Variants in PLXDC2 observed in about 807,000 individuals in gnomAD.
PLXDC2 encodes plexin domain containing 2.
PLXDC2 carries 40 observed loss-of-function variants against 68.9 expected under a neutral mutation model. The ratio of observed to expected loss-of-function variants is 0.58; its 90% confidence interval spans 0.45 to 0.76. The LOEUF (loss-of-function observed/expected upper bound fraction) is 0.76. PLXDC2 is among the 30% of genes least tolerant of loss of function. The probability of loss-of-function intolerance (pLI) is 0.00; values close to 1 mark genes in which losing one functional copy is unlikely to be tolerated. For missense variants in PLXDC2, 644 were observed against 661.9 expected (o/e 0.97, Z 0.30); for synonymous variants, 243 against 234.2 (o/e 1.04, Z -0.34).
rs569317504 is a variant in PLXDC2 at position 19,879,977 on chromosome 10, G to A, written c.112+62786G>A. On this transcript the variant is annotated intron_variant, in intron 1 of 13. Transcript: ENST00000377252. ...GTTGTTTTGACTCATGTGGATTGAC[G>A]TTATTTTGAAGTAGCAAAACCATTC... 3.3e-5 allele frequency among the ~76,000 whole-genome samples: 5 copies of A among 152,112 alleles called. No individual in the cohort carries two copies. In the East Asian group the frequency reaches 5.8e-4, roughly 18 times the overall value.
intron 1 of PLXDC2, among the ~76,000 whole-genome samples, chr10:19,873,798 G>C (rs1399378529): frequency 6.6e-6 from 1 of 152,200 alleles, no homozygotes; most frequent in Non-Finnish European, 1.5e-5. Flanking sequence ...CCACTGCAAA[G>C]TAAGATTAGG....
intron 2 of PLXDC2, among the ~76,000 whole-genome samples, chr10:20,040,454 C>T (rs1002635677): frequency 2.6e-5 from 4 of 152,098 alleles, no homozygotes; most frequent in South Asian, 4.1e-4. Flanking sequence ...TGCACTTGTA[C>T]GTGTTTCTAC....
intron 1 of PLXDC2, among the ~76,000 whole-genome samples, chr10:19,930,144 C>T (rs1284309021): frequency 1.3e-5 from 2 of 151,996 alleles, no homozygotes; most frequent in African/African-American, 4.8e-5. Flanking sequence ...ATGTCATTTA[C>T]ACAGCAGGCA....
At chr10:20,158,501 C>CAAAAAAAAAAAAA (rs59079629) in intron 6 of PLXDC2, among the ~76,000 whole-genome samples, 102 of 118,720 alleles carry the variant, frequency 8.6e-4, no homozygotes, top group African/African-American at 2.9e-3. Flanking sequence ...TCTGTCTCTG[C>CAAAAAAAAAAAAA]AAAAAAAAAA....
At chr10:19,835,090 G>C (rs1836765318) in intron 1 of PLXDC2, among the ~76,000 whole-genome samples, 1 of 152,166 alleles carries the variant, frequency 6.6e-6, no homozygotes, top group Admixed American at 6.5e-5. Flanking sequence ...AATCTTCAGG[G>C]AACTGCCCTT....
At chr10:20,077,152 T>C (rs146791859) in intron 4 of PLXDC2, among the ~76,000 whole-genome samples, 5 of 152,276 alleles carry the variant, frequency 3.3e-5, no homozygotes, top group African/African-American at 1.2e-4. Flanking sequence ...AGCAGCCAGG[T>C]AGCCTTTTAG....
At chr10:20,049,962 A>C (rs190919427) in intron 3 of PLXDC2, among the ~76,000 whole-genome samples, 15 of 152,296 alleles carry the variant, frequency 9.8e-5, no homozygotes, top group African/African-American at 3.6e-4. Context: ...TTCAAATTAT[A>C]CTGCAGGGCT....
chr10:19,876,732 C>G (rs1837639924), intron 1 of PLXDC2, among the ~76,000 whole-genome samples: 1 of 150,478 alleles, frequency 6.6e-6, no homozygotes, highest in Non-Finnish European at 1.5e-5. Context: ...CAGTGTTTTT[C>G]AATTTAATTT....
rs777714424 is a variant in PLXDC2 at position 20,001,892 on chromosome 10, C to T, written c.230C>T (p.Thr77Met). The T allele has an allele frequency of 1.4e-5, 23 of 1,613,840 alleles. No individual in the cohort carries two copies. The highest frequency in any genetic ancestry group is 3.4e-4 in the Middle Eastern group (2 of 5,910). The change falls in exon 2 of 14, where the codon ACG (threonine) becomes ATG (methionine). Residue 77 changes from threonine to methionine, a missense_variant. Physicochemically the swap from Thr to Met is moderately conservative, Grantham distance 81. Transcript: ENST00000377252. ...TTGGACTTTCTCAAGGCGGTAGACACGAACCGAGCAAGCGTCGGCCAAGAC... is the reference window on the plus strand; with the variant it reads ...TTGGACTTTCTCAAGGCGGTAGACATGAACCGAGCAAGCGTCGGCCAAGAC... Reference protein sequence around the residue: ...RNLDFLKAVDTNRASVGQDSP... With the variant: ...RNLDFLKAVDMNRASVGQDSP...
chr10:20,097,855 T>C (rs1833371348), intron 4 of PLXDC2, among the ~76,000 whole-genome samples: 1 of 150,508 alleles, frequency 6.6e-6, no homozygotes, highest in Admixed American at 6.6e-5. Context: ...ATTAGTCATC[T>C]AAAAGTGATT....
At chr10:19,891,453 G>T (rs1837962064) in intron 1 of PLXDC2, among the ~76,000 whole-genome samples, 1 of 151,864 alleles carries the variant, frequency 6.6e-6, no homozygotes, top group Admixed American at 6.6e-5. Flanking sequence ...ACATCTATTA[G>T]ATTGTGCTAT....
intron 4 of PLXDC2, among the ~76,000 whole-genome samples, chr10:20,092,905 A>G (rs183765326): frequency 6.6e-6 from 1 of 152,226 alleles, no homozygotes; most frequent in African/African-American, 2.4e-5. Flanking sequence ...GGCAGAAGAG[A>G]TAAAGAACAC....
chr10:20,052,722 CAAAAAAAA>C (rs59776582), intron 3 of PLXDC2, among the ~76,000 whole-genome samples: 4 of 92,846 alleles, frequency 4.3e-5, no homozygotes, highest in East Asian at 6.1e-4. Flanking sequence ...ACAAATTATG[CAAAAAAAA>C]AAAAAAAAAA....
chr10:19,927,318 C>T (rs17758689), intron 1 of PLXDC2, among the ~76,000 whole-genome samples: 9,890 of 152,118 alleles, frequency 0.065, 358 homozygotes, highest in Middle Eastern at 0.13. Context: ...CCGGAGGAAG[C>T]TGACATTTCA....
intron 1 of PLXDC2, among the ~76,000 whole-genome samples, chr10:19,936,750 C>T (rs1184690617): frequency 3.3e-5 from 5 of 152,122 alleles, no homozygotes; most frequent in Non-Finnish European, 7.3e-5. Flanking sequence ...TATGTGCCTC[C>T]CACCACGATC....
chr10:19,920,792 A>G (rs1833448472), intron 1 of PLXDC2, among the ~76,000 whole-genome samples: 1 of 152,180 alleles, frequency 6.6e-6, no homozygotes. Context: ...TCCTGGCCTC[A>G]AGCAACCTGC....
chr10:19,967,966 G>A (rs1242293896), intron 1 of PLXDC2, among the ~76,000 whole-genome samples: 1 of 152,206 alleles, frequency 6.6e-6, no homozygotes, highest in Admixed American at 6.5e-5. Flanking sequence ...CAAATATTAT[G>A]TGCATTAGCT....
chr10:19,872,579 G>A (rs935476360), intron 1 of PLXDC2, among the ~76,000 whole-genome samples: 3 of 152,178 alleles, frequency 2.0e-5, no homozygotes. Flanking sequence ...CTTAACTAAG[G>A]GTAAAAGCAT....
At chr10:20,072,010 C>T (rs1182068066) in intron 4 of PLXDC2, among the ~76,000 whole-genome samples, 1 of 152,008 alleles carries the variant, frequency 6.6e-6, no homozygotes, top group Non-Finnish European at 1.5e-5. Flanking sequence ...TGGAATGAGT[C>T]TAGTGAAGGG....
Sources: gnomAD v4.1 joint callset for allele counts (sites outside exome capture counted in the v4.1 genomes callset) on GRCh38, gnomAD v4.1.1 for gene constraint, MANE v1.5 for transcripts, NCBI Gene and HGNC (gene_info 2026-07-23, HGNC 2026-07-21) for gene names.